Variants in CSMD3 observed in about 807,000 individuals in gnomAD.
CSMD3 encodes CUB and Sushi multiple domains 3, also known as CUB and sushi domain-containing protein 3.
Under a neutral mutation model 435.2 loss-of-function variants are expected in CSMD3, and 177 were observed. The ratio of observed to expected loss-of-function variants is 0.41; its 90% confidence interval spans 0.36 to 0.46. The LOEUF is 0.46. Ranked by LOEUF, CSMD3 falls within the 20% of genes least tolerant of loss-of-function variation. The probability of loss-of-function intolerance (pLI) is 0.34; values close to 1 mark genes in which losing one functional copy is unlikely to be tolerated. For synonymous variants in CSMD3, 1,656 were observed against 1,520.5 expected, an observed-to-expected ratio of 1.09 and a Z score of -2.07; for missense variants, 4,265 against 4,504.6, an observed-to-expected ratio of 0.95 and a Z score of 1.52.
chr8:113,329,565 G>C (rs2094011313), intron 1 of CSMD3, among the ~76,000 whole-genome samples: 1 of 152,066 alleles, frequency 6.6e-6, no homozygotes, highest in Non-Finnish European at 1.5e-5. Context: ...AAGAGGTGAG[G>C]ACAGCAAGGA....
At chr8:112,977,523 T>C (rs2084899774) in intron 6 of CSMD3, among the ~76,000 whole-genome samples, 1 of 152,054 alleles carries the variant, frequency 6.6e-6, no homozygotes, top group Non-Finnish European at 1.5e-5. Flanking sequence ...ATAATTCTGC[T>C]TTCTGCCTTA....
intron 10 of CSMD3, among the ~76,000 whole-genome samples, chr8:112,864,668 A>G (rs1375830026): frequency 6.6e-6 from 1 of 152,138 alleles, no homozygotes; most frequent in East Asian, 1.9e-4. Context: ...GACATATAAG[A>G]CAGAAGTCTT....
At chr8:112,863,048 T>G (rs2080870321) in intron 10 of CSMD3, among the ~76,000 whole-genome samples, 1 of 152,020 alleles carries the variant, frequency 6.6e-6, no homozygotes, top group African/African-American at 2.4e-5. Context: ...TGTACACTTT[T>G]CCTCATTTCA....
At chr8:113,088,102 T>C (rs1367592941) in intron 5 of CSMD3, among the ~76,000 whole-genome samples, 2 of 149,694 alleles carry the variant, frequency 1.3e-5, no homozygotes, top group African/African-American at 5.0e-5. Flanking sequence ...AAAAAACACA[T>C]GAAAAAATGC....
At chr8:113,274,351 A>G (rs926581957) in intron 3 of CSMD3, among the ~76,000 whole-genome samples, 2 of 152,124 alleles carry the variant, frequency 1.3e-5, no homozygotes, top group African/African-American at 4.8e-5. Context: ...AGACTGTATA[A>G]CTCATTCTGG....
Position 113,410,963 on chromosome 8 carries a change from G to A in CSMD3, c.178+25714C>T, listed in dbSNP as rs144614881. On this transcript the variant is annotated intron_variant, in intron 1 of 70. Transcript: ENST00000297405. ...AAAGAAAGAAAGAAAGAGAAGGGAGGGAGGGAGGAAGAAAGGAAGGAAGGA... is the reference window on the plus strand; with the variant it reads ...AAAGAAAGAAAGAAAGAGAAGGGAGAGAGGGAGGAAGAAAGGAAGGAAGGA... Among the ~76,000 whole-genome samples the A allele has an allele frequency of 3.5e-3, 416 of 119,958 alleles. 3 individuals carry two copies. Among genetic ancestry groups the A allele is most frequent in the Middle Eastern group, 0.018 (4 of 218 alleles). 78.7% of individuals were successfully genotyped at this position (119,958 alleles called of 152,430 possible). A position where few individuals can be genotyped will look rare whatever the true frequency, so the allele number is the denominator to read the frequency against.
chr8:112,886,570 T>C (rs529311262), intron 10 of CSMD3, among the ~76,000 whole-genome samples: 4 of 151,312 alleles, frequency 2.6e-5, no homozygotes, highest in Non-Finnish European at 5.9e-5. Context: ...ATATTCATAG[T>C]GAGGGTGTAC....
At chr8:113,061,945 G>T (rs963744562) in intron 5 of CSMD3, among the ~76,000 whole-genome samples, 19 of 151,564 alleles carry the variant, frequency 1.3e-4, no homozygotes, top group Admixed American at 1.2e-3. Context: ...CATAATTCAT[G>T]ATACATAGTT....
intron 53 of CSMD3, among the ~76,000 whole-genome samples, chr8:112,297,991 A>T (rs917973736): frequency 6.6e-6 from 1 of 150,930 alleles, no homozygotes; most frequent in Non-Finnish European, 1.5e-5. Flanking sequence ...TTTTACTTAC[A>T]ATAGTAAAAC....
rs544798211 is a variant in CSMD3 at position 113,275,241 on chromosome 8, T to A, written c.514+3351A>T. The stretch of plus-strand genomic sequence containing the variant: ...GACAATGAGATTTAGATACATTAAG[T>A]ATCTTCTCCAGAATAATTCTCTTTG... On this transcript the variant is annotated intron_variant, in intron 3 of 70. Coordinates refer to ENST00000297405, the MANE Select transcript of CSMD3 (RefSeq NM_198123.2). Among the ~76,000 whole-genome samples the A allele has an allele frequency of 2.4e-3, 360 of 152,242 alleles. 2 individuals carry two copies. Among genetic ancestry groups the A allele is most frequent in the African/African-American group, 8.3e-3 (346 of 41,572 alleles).
At chr8:112,587,012 G>T (rs2131352134) in intron 23 of CSMD3, 54 bp downstream of exon 23, 1 of 1,205,962 alleles carries the variant, frequency 8.3e-7, no homozygotes, top group Non-Finnish European at 1.2e-6. Flanking sequence ...ATCTATTGAT[G>T]TATATTTAAT....
At chr8:112,523,658 T>G (rs1377371) in intron 27 of CSMD3, among the ~76,000 whole-genome samples, 1 of 151,920 alleles carries the variant, frequency 6.6e-6, no homozygotes, top group Non-Finnish European at 1.5e-5. Context: ...TCAAATCAAT[T>G]AGAAAATATT....
At chr8:112,345,344 C>A (rs1382995896) in intron 41 of CSMD3, among the ~76,000 whole-genome samples, 1 of 152,064 alleles carries the variant, frequency 6.6e-6, no homozygotes, top group Non-Finnish European at 1.5e-5. Flanking sequence ...ACCTAAGTGT[C>A]CATCATCTGA....
chr8:113,110,466 A>G (rs2090605011), intron 4 of CSMD3, among the ~76,000 whole-genome samples: 1 of 152,134 alleles, frequency 6.6e-6, no homozygotes. Flanking sequence ...CAGCCAAGGT[A>G]TTTGCCACTT....
chr8:113,127,695 C>A (rs1253824673), intron 4 of CSMD3, among the ~76,000 whole-genome samples: 1 of 151,946 alleles, frequency 6.6e-6, no homozygotes, highest in African/African-American at 2.4e-5. Flanking sequence ...TAATCCATAC[C>A]CTGTAGAGCA....
intron 13 of CSMD3, among the ~76,000 whole-genome samples, chr8:112,740,207 A>C (rs1201245277): frequency 6.6e-6 from 1 of 151,840 alleles, no homozygotes; most frequent in East Asian, 1.9e-4. Flanking sequence ...ATTTTAAAAT[A>C]TTTATTTCCG....
intron 6 of CSMD3, among the ~76,000 whole-genome samples, chr8:112,995,388 G>T (rs1489317299): frequency 1.3e-5 from 2 of 151,474 alleles, no homozygotes; most frequent in African/African-American, 4.8e-5. Context: ...TTGCTTCAAA[G>T]ATATTAAACA....
intron 3 of CSMD3, among the ~76,000 whole-genome samples, chr8:113,206,810 AT>A (rs1379008565): frequency 1.3e-5 from 2 of 152,172 alleles, no homozygotes; most frequent in African/African-American, 4.8e-5. Context: ...ATTGATGGCT[AT>A]TCAGGGCATT....
intron 15 of CSMD3, among the ~76,000 whole-genome samples, chr8:112,683,425 C>A (rs1354648102): frequency 6.6e-6 from 1 of 151,946 alleles, no homozygotes; most frequent in East Asian, 1.9e-4. Flanking sequence ...TTATTTGTCT[C>A]ATGTATCTCA....
Sources: gnomAD v4.1 joint callset for allele counts (sites outside exome capture counted in the v4.1 genomes callset) on GRCh38, gnomAD v4.1.1 for gene constraint, MANE v1.5 for transcripts, NCBI Gene and HGNC (gene_info 2026-07-23, HGNC 2026-07-21) for gene names.